GTF2H5: variants seen among roughly 807,000 people sequenced by gnomAD.
GTF2H5 encodes TFB5 ortholog.
A neutral mutation model predicts 7.1 loss-of-function variants in GTF2H5; 5 were observed. That is an observed-to-expected ratio of 0.71 (90% CI 0.37 to 1.49). The LOEUF (loss-of-function observed/expected upper bound fraction) is 1.49, where lower values mean the gene tolerates loss of function less well. GTF2H5 is among the 40% of genes most tolerant of loss of function. GTF2H5 has a pLI of 0.03. For synonymous variants in GTF2H5, 30 were observed against 31.7 expected, an observed-to-expected ratio of 0.95 and a Z score of 0.18; for missense variants, 80 against 83.0, an observed-to-expected ratio of 0.96 and a Z score of 0.14.
intron 1 of GTF2H5, among the ~76,000 whole-genome samples, chr6:158,169,745 T>TTA (rs1554267173): frequency 0.013 from 686 of 53,250 alleles, 83 homozygotes; most frequent in African/African-American, 0.074. Flanking sequence ...ATATTATATA[T>TTA]TATATAATAT....
At chr6:158,186,147 A>G (rs1776918291) in intron 2 of GTF2H5, among the ~76,000 whole-genome samples, 1 of 152,258 alleles carries the variant, frequency 6.6e-6, no homozygotes, top group South Asian at 2.1e-4. Flanking sequence ...GTGATTTGCA[A>G]CAGAGATGTT....
intron 2 of GTF2H5, among the ~76,000 whole-genome samples, chr6:158,172,312 GCTT>G (rs1785868803): frequency 6.6e-6 from 1 of 151,150 alleles, no homozygotes; most frequent in African/African-American, 2.4e-5. Context: ...ATCTAAATTA[GCTT>G]CTTTTTTTTT....
chr6:158,186,340 A>G lies in GTF2H5; in HGVS notation c.36-5637A>G, dbSNP rs550024000. Among the ~76,000 whole-genome samples, 8 of 152,334 alleles carry G rather than the reference A, an allele frequency of 5.3e-5. No homozygotes were observed. In the East Asian group the frequency reaches 1.5e-3, roughly 29 times the overall value. On this transcript the variant is annotated intron_variant, in intron 2 of 2. Coordinates refer to ENST00000607778, the MANE Select transcript of GTF2H5 (RefSeq NM_207118.3). ...GAAAATTCCCAAAGTCTTCATAACC[A>G]CTTAACTCTTGCTGCCTTTAATACC...
chr6:158,169,461 A>T (rs1412785401), intron 1 of GTF2H5, among the ~76,000 whole-genome samples: 1 of 81,050 alleles, frequency 1.2e-5, no homozygotes, highest in African/African-American at 6.0e-5. Flanking sequence ...TATTATATAT[A>T]TTATATTGTA....
intron 1 of GTF2H5, among the ~76,000 whole-genome samples, chr6:158,169,772 A>ATATTATATAATATATTGTATATT: frequency 1.9e-5 from 1 of 53,954 alleles, no homozygotes; most frequent in Admixed American, 3.9e-4. Context: ...TATTATATAT[A>ATATTATATAATATATTGTATATT]ATATATTGTA....
intron 2 of GTF2H5, among the ~76,000 whole-genome samples, chr6:158,175,375 G>A (rs142045455): frequency 2.7e-3 from 411 of 152,312 alleles, no homozygotes; most frequent in African/African-American, 9.3e-3. Context: ...GCTGCTGATG[G>A]AAGTGTAATC....
intron 2 of GTF2H5, among the ~76,000 whole-genome samples, chr6:158,187,288 A>G (rs1441133105): frequency 2.0e-5 from 3 of 151,818 alleles, no homozygotes; most frequent in Admixed American, 6.6e-5. Flanking sequence ...GAGCCACCGC[A>G]CCTGGCCCAG....
In GTF2H5 at chr6:158,199,096, C is replaced by G. The variant is rs1777155789; in HGVS notation, c.*6939C>G. 6.6e-6 allele frequency: 1 copy of G among 152,158 alleles called. No homozygotes were observed. Among genetic ancestry groups the G allele is most frequent in the African/African-American group, 2.4e-5 (1 of 41,430 alleles). The allele number at this position is 152,158 out of a possible 1,614,324, so 9.4% of individuals were successfully genotyped here. A position where few individuals can be genotyped will look rare whatever the true frequency, so the allele number is the denominator to read the frequency against. ...AATTCTCTGTTTTAGGAATGCTTGT[C>G]AAATTCGTCACTAAAATTGATTTAC... On this transcript the variant is annotated 3_prime_UTR_variant, in exon 3 of 3. Coordinates refer to ENST00000607778, the MANE Select transcript of GTF2H5 (RefSeq NM_207118.3).
At chr6:158,175,809 A>G (rs1785925508) in intron 2 of GTF2H5, among the ~76,000 whole-genome samples, 1 of 152,328 alleles carries the variant, frequency 6.6e-6, no homozygotes, top group Middle Eastern at 3.4e-3. Context: ...GCCAATAAAA[A>G]TGTATGTATT....
chr6:158,169,363 T>C lies in GTF2H5; in HGVS notation c.-35+968T>C, dbSNP rs1785714189. ...ATACGTATATTATATATAATACATATATATAATATGTATATTATATATTAT... is the reference window on the plus strand; with the variant it reads ...ATACGTATATTATATATAATACATACATATAATATGTATATTATATATTAT... On this transcript the variant is annotated intron_variant, in intron 1 of 2. Coordinates refer to ENST00000607778, the MANE Select transcript of GTF2H5 (RefSeq NM_207118.3). 2.8e-5 allele frequency among the ~76,000 whole-genome samples: 3 copies of C among 108,922 alleles called. No individual in the cohort carries two copies. The South Asian group carries it at 7.0e-4, about 25-fold the overall frequency. 71.5% of individuals were successfully genotyped at this position (108,922 alleles called of 152,430 possible).
Position 158,194,138 on chromosome 6 carries a change from G to C in GTF2H5, c.*1981G>C, listed in dbSNP as rs529293119. 2 of 152,086 alleles carry C rather than the reference G, an allele frequency of 1.3e-5. No homozygotes were observed. Among genetic ancestry groups the C allele is most frequent in the East Asian group, 3.9e-4 (2 of 5,168 alleles). The allele number at this position is 152,086 out of a possible 1,614,324, so 9.4% of individuals were successfully genotyped here. A position where few individuals can be genotyped will look rare whatever the true frequency, so the allele number is the denominator to read the frequency against. ...TTAACATGAAACTTAGAAAATTTTT[G>C]ATAGAATCCCAGAGTTCAAAAGGTA... On this transcript the variant is annotated 3_prime_UTR_variant, in exon 3 of 3. Coordinates refer to ENST00000607778, the MANE Select transcript of GTF2H5 (RefSeq NM_207118.3).
intron 2 of GTF2H5, among the ~76,000 whole-genome samples, chr6:158,180,266 C>T (rs1016917232): frequency 4.6e-5 from 7 of 152,086 alleles, no homozygotes; most frequent in Admixed American, 2.6e-4. Flanking sequence ...CTGCTGGATT[C>T]GGTTTGCCCG....
chr6:158,189,602 T>C (rs1001279551), intron 2 of GTF2H5, among the ~76,000 whole-genome samples: 1 of 152,162 alleles, frequency 6.6e-6, no homozygotes, highest in Non-Finnish European at 1.5e-5. Flanking sequence ...TCTTTCCAGT[T>C]CACTCCCTCT....
chr6:158,173,923 A>G (rs1173615098), intron 2 of GTF2H5, among the ~76,000 whole-genome samples: 3 of 152,220 alleles, frequency 2.0e-5, no homozygotes, highest in South Asian at 2.1e-4. Flanking sequence ...CTGTGGAACC[A>G]GGAGTCCCCA....
chr6:158,175,888 T>C (rs1444701893), intron 2 of GTF2H5, among the ~76,000 whole-genome samples: 1 of 152,216 alleles, frequency 6.6e-6, no homozygotes, highest in Non-Finnish European at 1.5e-5. Context: ...TGTTAAAATA[T>C]TTGCAGACAT....
chr6:158,169,688 A>ATTG lies in GTF2H5; in HGVS notation c.-34-781_-34-780insTGT, dbSNP rs1785788903. ...TATTGTATATTATATAATATATAAT[A>ATTG]TATATTATATAATATATTGTATATT... On this transcript the variant is annotated intron_variant, in intron 1 of 2. Transcript: ENST00000607778. Among the ~76,000 whole-genome samples, 6 of 49,810 alleles carry ATTG rather than the reference A, an allele frequency of 1.2e-4. 1 individual carries two copies. The highest frequency in any genetic ancestry group is 1.6e-4 in the African/African-American group (1 of 6,280). The allele number at this position is 49,810 out of a possible 152,430, so 32.7% of individuals were successfully genotyped here. A position where few individuals can be genotyped will look rare whatever the true frequency, so the allele number is the denominator to read the frequency against.
intron 2 of GTF2H5, among the ~76,000 whole-genome samples, chr6:158,177,720 T>C (rs888449240): frequency 3.9e-5 from 6 of 152,160 alleles, no homozygotes; most frequent in African/African-American, 9.7e-5. Context: ...ATCCCTCCCC[T>C]AGACCCCAAC....
In GTF2H5 at chr6:158,169,528, C is replaced by CTGT. The variant is rs1562468501; in HGVS notation, c.-34-942_-34-941insTGT. ...TATATTGTATATTATATATAATATA[C>CTGT]AGTATATTATATATAATATACTGTA... On this transcript the variant is annotated intron_variant, in intron 1 of 2. Coordinates refer to ENST00000607778, the MANE Select transcript of GTF2H5 (RefSeq NM_207118.3). 1.0e-4 allele frequency among the ~76,000 whole-genome samples: 5 copies of CTGT among 49,220 alleles called. No homozygotes were observed. In the East Asian group the frequency reaches 3.4e-3, roughly 33 times the overall value. 32.3% of individuals were successfully genotyped at this position (49,220 alleles called of 152,430 possible).
chr6:158,190,816 A>G, intron 2 of GTF2H5: 2 of 404,328 alleles, frequency 4.9e-6, no homozygotes, highest in South Asian at 3.7e-5. Context: ...TCTGTGGTGC[A>G]GCTTGACATT....
Sources: allele counts gnomAD v4.1 joint callset (sites outside exome capture counted in the v4.1 genomes callset), GRCh38; gene constraint gnomAD v4.1.1; transcripts MANE v1.5; gene names NCBI Gene and HGNC (gene_info 2026-07-23, HGNC 2026-07-21).